The following MACROD2 variants were observed in gnomAD, a reference collection of about 807,000 sequenced individuals.
MACROD2 encodes the protein ADP-ribose glycohydrolase MACROD2.
MACROD2 carries 36 observed loss-of-function variants against 70.4 expected under a neutral mutation model. The ratio of observed to expected loss-of-function variants is 0.51; its 90% CI spans 0.39 to 0.68. MACROD2 has a LOEUF of 0.68. MACROD2 is among the 30% of genes least tolerant of loss of function. The pLI is 0.00. For missense variants in MACROD2, 496 were observed against 538.4 expected (o/e 0.92, Z 0.78); for synonymous variants, 172 against 178.8 (o/e 0.96, Z 0.30).
chr20:14,076,690 C>A (rs1216227823), intron 2 of MACROD2, among the ~76,000 whole-genome samples: 1 of 151,610 alleles, frequency 6.6e-6, no homozygotes, highest in African/African-American at 2.4e-5. Context: ...TCACCTTCCA[C>A]CCCCCAAAGA....
intron 3 of MACROD2, among the ~76,000 whole-genome samples, chr20:14,330,893 G>A (rs963213268): frequency 6.6e-6 from 1 of 152,046 alleles, no homozygotes; most frequent in African/African-American, 2.4e-5. Context: ...ACTTTTTAAA[G>A]TATCTTCTGT....
intron 8 of MACROD2, among the ~76,000 whole-genome samples, chr20:15,796,968 A>G (rs900884983): frequency 1.6e-4 from 24 of 152,224 alleles, no homozygotes; most frequent in Non-Finnish European, 1.9e-4. Flanking sequence ...AGTGTTCTAA[A>G]TAATTAGCAG....
intron 5 of MACROD2, among the ~76,000 whole-genome samples, chr20:14,918,605 T>C (rs1366722572): frequency 1.4e-5 from 2 of 147,918 alleles, no homozygotes; most frequent in East Asian, 4.1e-4. Context: ...TTTGTGACAC[T>C]GTGTTTTTTT....
At chr20:15,878,187 A>T (rs1011933623) in intron 9 of MACROD2, among the ~76,000 whole-genome samples, 5 of 152,080 alleles carry the variant, frequency 3.3e-5, no homozygotes, top group Non-Finnish European at 7.4e-5. Flanking sequence ...AGCATACAGT[A>T]TCTTATGAAA....
At position 14,558,762 on chromosome 20, in the gene MACROD2, G is replaced by A. The variant is rs111242607; in HGVS notation, c.301+65254G>A. On this transcript the variant is annotated intron_variant, in intron 4 of 17. Transcript: ENST00000684519. ...CCACGTATAATAGTCTTTAATTATG[G>A]CATAAACTAAAAGATTTATGTCTAT... is the stretch of plus-strand genomic sequence containing the variant. Among the ~76,000 whole-genome samples, 202 of 151,740 alleles carry A rather than the reference G, an allele frequency of 1.3e-3. 1 individual carries two copies. Among genetic ancestry groups the A allele is most frequent in the African/African-American group, 4.5e-3 (187 of 41,492 alleles).
intron 5 of MACROD2, among the ~76,000 whole-genome samples, chr20:14,903,165 C>T (rs535861274): frequency 1.7e-4 from 26 of 151,670 alleles, no homozygotes; most frequent in Admixed American, 2.6e-4. Context: ...CCTCAGCCTC[C>T]CGAGTAGCTG....
At chr20:15,568,894 A>G (rs1357549758) in intron 8 of MACROD2, among the ~76,000 whole-genome samples, 5 of 152,112 alleles carry the variant, frequency 3.3e-5, no homozygotes, top group African/African-American at 1.2e-4. Flanking sequence ...TACAGGTTGG[A>G]GCTTGGGAAC....
intron 8 of MACROD2, among the ~76,000 whole-genome samples, chr20:15,837,005 A>G (rs1226190307): frequency 6.6e-6 from 1 of 152,198 alleles, no homozygotes; most frequent in East Asian, 1.9e-4. Context: ...CTGGAGTTCA[A>G]TAAGGATAAC....
chr20:14,558,215 A>G (rs185170111), intron 4 of MACROD2, among the ~76,000 whole-genome samples: 2 of 151,932 alleles, frequency 1.3e-5, no homozygotes, highest in Admixed American at 6.6e-5. Context: ...TAGGGAGTGA[A>G]TACAAATGGC....
chr20:15,980,923 T>C (rs1425737700), intron 13 of MACROD2, among the ~76,000 whole-genome samples: 2 of 152,158 alleles, frequency 1.3e-5, no homozygotes, highest in East Asian at 3.8e-4. Flanking sequence ...AGCAGGTAAA[T>C]GGGGGTCCAG....
At chr20:16,018,056 G>A (rs537802868) in intron 15 of MACROD2, among the ~76,000 whole-genome samples, 1 of 152,310 alleles carries the variant, frequency 6.6e-6, no homozygotes, top group South Asian at 2.1e-4. Context: ...CTACAGAAAG[G>A]CCTTTAGCCC....
Position 15,233,983 on chromosome 20 carries a change from TTATA to T in MACROD2, c.540+3946_540+3949del, listed in dbSNP as rs1312226727. 8.4e-4 allele frequency among the ~76,000 whole-genome samples: 37 copies of T among 43,994 alleles called. 1 individual carries two copies. Among genetic ancestry groups the T allele is most frequent in the African/African-American group, 1.3e-3 (14 of 11,072 alleles). 28.9% of individuals were successfully genotyped at this position (43,994 alleles called of 152,430 possible). A position where few individuals can be genotyped will look rare whatever the true frequency, so the allele number is the denominator to read the frequency against. On this transcript the variant is annotated intron_variant, in intron 6 of 17. Transcript: ENST00000684519. The stretch of plus-strand genomic sequence containing the variant: ...AAAATTTATTTTTATATATATTTAT[TTATA>T]TATATATATATATATATATATATTC...
In MACROD2 at chr20:15,332,952, G is replaced by A. The variant is rs899688851; in HGVS notation, c.541-98453G>A. ...AGAGGAAGCTCAGCTTCTCCCTCTT[G>A]GCACCATTTCTGTTAGTCTGAGACC... On this transcript the variant is annotated intron_variant, in intron 6 of 17. Coordinates refer to ENST00000684519, the MANE Select transcript of MACROD2 (RefSeq NM_001351661.2). Among the ~76,000 whole-genome samples the A allele has an allele frequency of 5.3e-5, 8 of 149,840 alleles. No individual in the cohort carries two copies. The East Asian group carries it at 5.9e-4, about 11-fold the overall frequency.
intron 6 of MACROD2, among the ~76,000 whole-genome samples, chr20:15,263,618 G>C (rs756143000): frequency 4.0e-5 from 6 of 151,852 alleles, no homozygotes; most frequent in Admixed American, 6.6e-5. Flanking sequence ...TCTCGCTTTG[G>C]GTAATATGGA....
At chr20:14,860,959 TAAA>T (rs11476156) in intron 5 of MACROD2, among the ~76,000 whole-genome samples, 3 of 149,222 alleles carry the variant, frequency 2.0e-5, no homozygotes, top group Non-Finnish European at 4.5e-5. Flanking sequence ...CTGGAGACTT[TAAA>T]AAAAAAAAAT....
At chr20:14,488,807 A>G (rs1015259834) in intron 3 of MACROD2, among the ~76,000 whole-genome samples, 1 of 152,142 alleles carries the variant, frequency 6.6e-6, no homozygotes, top group Non-Finnish European at 1.5e-5. Flanking sequence ...TTATTTGTTT[A>G]GCTTTTAGAG....
At chr20:16,048,097 T>C (rs2067408644) in intron 17 of MACROD2, among the ~76,000 whole-genome samples, 1 of 152,208 alleles carries the variant, frequency 6.6e-6, no homozygotes. Context: ...ACCAGTGTGA[T>C]TCCTGGTGTA....
intron 4 of MACROD2, among the ~76,000 whole-genome samples, chr20:14,570,692 T>G (rs1412520724): frequency 6.6e-6 from 1 of 151,986 alleles, no homozygotes; most frequent in African/African-American, 2.4e-5. Context: ...TCACAGTGTT[T>G]CAAACTTTCC....
intron 5 of MACROD2, among the ~76,000 whole-genome samples, chr20:14,822,769 G>C (rs1191609114): frequency 6.6e-6 from 1 of 151,900 alleles, no homozygotes; most frequent in African/African-American, 2.4e-5. Context: ...TAGAGTTTTC[G>C]ATAATTATTA....
Sources: allele counts gnomAD v4.1 joint callset (sites outside exome capture counted in the v4.1 genomes callset), GRCh38; gene constraint gnomAD v4.1.1; transcripts MANE v1.5; gene names NCBI Gene and HGNC (gene_info 2026-07-23, HGNC 2026-07-21).